The following TENM2 variants were observed in gnomAD, a reference collection of about 807,000 sequenced individuals.
TENM2 encodes teneurin-2.
Under a neutral mutation model 245.2 loss-of-function variants are expected in TENM2, and 52 were observed. The ratio of observed to expected loss-of-function variants is 0.21; its 90% CI spans 0.17 to 0.27. The LOEUF is 0.27. Ranked by LOEUF, TENM2 falls within the 10% of genes least tolerant of loss-of-function variation. TENM2 has a pLI of 1.00. For missense variants in TENM2, 3,046 were observed against 3,666.8 expected (o/e 0.83, Z 4.37); for synonymous variants, 1,363 against 1,438.9 (o/e 0.95, Z 1.19).
intron 2 of TENM2, among the ~76,000 whole-genome samples, chr5:167,411,211 A>C (rs1482659100): frequency 6.6e-6 from 1 of 152,104 alleles, no homozygotes; most frequent in East Asian, 1.9e-4. Flanking sequence ...TGAGGTAAAA[A>C]ATCAAAACTA....
Position 167,958,546 on chromosome 5 carries a change from G to T in TENM2, c.947+5724G>T, listed in dbSNP as rs148459920. On this transcript the variant is annotated intron_variant, in intron 4 of 28. Coordinates refer to ENST00000518659, the Ensembl canonical transcript of TENM2. The stretch of plus-strand genomic sequence containing the variant: ...ATGATGCTAGCTGGTTATTTTGCCC[G>T]TTGGTTGATGTAGTTTCTTCATGGT... Among the ~76,000 whole-genome samples the T allele has an allele frequency of 7.9e-5, 12 of 152,178 alleles. No homozygotes were observed. The South Asian group carries it at 2.5e-3, about 32-fold the overall frequency.
intron 1 of TENM2, among the ~76,000 whole-genome samples, chr5:167,371,653 G>A (rs1042251585): frequency 2.6e-5 from 4 of 152,062 alleles, no homozygotes; most frequent in Non-Finnish European, 5.9e-5. Context: ...GAGCCACTGC[G>A]CCCGGCCTGT....
Position 168,054,841 on chromosome 5 carries a change from A to G in TENM2, c.1310-7219A>G, listed in dbSNP as rs192673904. Among the ~76,000 whole-genome samples the G allele has an allele frequency of 4.2e-4, 64 of 152,346 alleles. 1 individual carries two copies. The highest frequency in any genetic ancestry group is 1.4e-3 in the African/African-American group (59 of 41,576). ...GTTGGACTATCCTGTAAAATTGATC[A>G]TTAGAATGTTGCCTCTAAAAACCCA... is the stretch of plus-strand genomic sequence containing the variant. On this transcript the variant is annotated intron_variant, in intron 6 of 28. Transcript: ENST00000518659.
At chr5:167,160,975 A>G in the TENM2 span, among the ~76,000 whole-genome samples, 1 of 152,052 alleles carries the variant, frequency 6.6e-6, no homozygotes, top group Non-Finnish European at 1.5e-5. Context: ...AAACCCTTGT[A>G]TTTTCAATAT....
At chr5:167,902,234 A>T (rs935184054) in intron 3 of TENM2, among the ~76,000 whole-genome samples, 1 of 152,202 alleles carries the variant, frequency 6.6e-6, no homozygotes, top group South Asian at 2.1e-4. Flanking sequence ...AGTATGAAAG[A>T]TACCAGACTT....
At chr5:167,333,354 G>A (rs1757566376) in intron 1 of TENM2, among the ~76,000 whole-genome samples, 1 of 152,120 alleles carries the variant, frequency 6.6e-6, no homozygotes, top group South Asian at 2.1e-4. Flanking sequence ...TAAGCACAAT[G>A]TTAGCACCTC....
intron 5 of TENM2, among the ~76,000 whole-genome samples, chr5:167,995,625 C>A (rs1423053239): frequency 1.3e-5 from 2 of 152,206 alleles, no homozygotes; most frequent in Admixed American, 6.5e-5. Context: ...CCAGTTATTC[C>A]TTTCTCCTTA....
chr5:167,078,886 C>T, the TENM2 span, among the ~76,000 whole-genome samples: 1 of 152,144 alleles, frequency 6.6e-6, no homozygotes, highest in Non-Finnish European at 1.5e-5. Context: ...TGCTTAGGAT[C>T]TCTAGACAGC....
rs1178739925 is a variant in TENM2, at chr5:167,807,124, T to TAAAAAAAAAA, written c.503-68839_503-68830dup. On this transcript the variant is annotated intron_variant, in intron 2 of 28. Coordinates refer to ENST00000518659, the Ensembl canonical transcript of TENM2. Reference sequence around the variant, plus strand: ...ACAGTTTGGCCCAAAGCCCCTAGGTTAAAAAAAAAAAAAAAAAAAAAAAAA... The same window carrying TAAAAAAAAAA: ...ACAGTTTGGCCCAAAGCCCCTAGGTTAAAAAAAAAAAAAAAAAAAAAAAAAAAAAAAAAAA... Among the ~76,000 whole-genome samples, 193 of 49,070 alleles carry TAAAAAAAAAA rather than the reference T, an allele frequency of 3.9e-3. 6 individuals are homozygous for TAAAAAAAAAA. Among genetic ancestry groups the TAAAAAAAAAA allele is most frequent in the African/African-American group, 9.0e-3 (106 of 11,838 alleles). 32.2% of individuals were successfully genotyped at this position (49,070 alleles called of 152,430 possible).
chr5:168,109,600 G>C (rs1413386816), intron 9 of TENM2, among the ~76,000 whole-genome samples: 4 of 152,206 alleles, frequency 2.6e-5, no homozygotes, highest in African/African-American at 9.7e-5. Context: ...TGATTCAGTA[G>C]GTCTGGGGTA....
chr5:167,584,506 T>C (rs547348045), intron 2 of TENM2, among the ~76,000 whole-genome samples: 2 of 152,210 alleles, frequency 1.3e-5, no homozygotes, highest in South Asian at 4.2e-4. Context: ...TTTCCATTTT[T>C]CATCTGTGAG....
intron 12 of TENM2, among the ~76,000 whole-genome samples, chr5:168,146,236 G>A (rs577791346): frequency 6.6e-6 from 1 of 151,802 alleles, no homozygotes; most frequent in Non-Finnish European, 1.5e-5. Context: ...TATATAAAAC[G>A]TGCACATATG....
intron 23 of TENM2, among the ~76,000 whole-genome samples, chr5:168,222,909 A>G (rs1763792107): frequency 6.6e-6 from 1 of 152,152 alleles, no homozygotes; most frequent in Non-Finnish European, 1.5e-5. Context: ...TTGGCACATC[A>G]CAGGTGCTTG....
At chr5:168,223,608 A>G (rs1036216368) in intron 23 of TENM2, among the ~76,000 whole-genome samples, 15 of 151,774 alleles carry the variant, frequency 9.9e-5, no homozygotes, top group African/African-American at 3.6e-4. Flanking sequence ...CTGGGACTAC[A>G]GGCACACGGC....
intron 1 of TENM2, among the ~76,000 whole-genome samples, chr5:167,372,352 A>G (rs1561902900): frequency 6.6e-6 from 1 of 152,228 alleles, no homozygotes; most frequent in Non-Finnish European, 1.5e-5. Context: ...TCTCATAAAA[A>G]TAAGATTTCA....
intron 6 of TENM2, among the ~76,000 whole-genome samples, chr5:168,052,994 G>A (rs547539634): frequency 1.1e-3 from 167 of 152,260 alleles, no homozygotes; most frequent in Non-Finnish European, 2.1e-4. Flanking sequence ...AGGGAGGTTC[G>A]TAAATTCTTC....
intron 2 of TENM2, among the ~76,000 whole-genome samples, chr5:167,612,065 A>G (rs1044867252): frequency 4.6e-5 from 7 of 152,190 alleles, no homozygotes; most frequent in African/African-American, 1.4e-4. Flanking sequence ...TAGTTTACAT[A>G]AAAAATGAAT....
chr5:168,116,806 A>T (rs1468406983), intron 9 of TENM2, among the ~76,000 whole-genome samples: 1 of 152,152 alleles, frequency 6.6e-6, no homozygotes, highest in African/African-American at 2.4e-5. Context: ...AAGTGACATG[A>T]TTAGGTATGC....
chr5:167,464,072 C>A (rs1291104033), intron 2 of TENM2, among the ~76,000 whole-genome samples: 2 of 152,070 alleles, frequency 1.3e-5, no homozygotes, highest in African/African-American at 4.8e-5. Context: ...AAATGGGAAC[C>A]AGAGCTGCCT....
Sources: gnomAD v4.1 joint callset for allele counts (sites outside exome capture counted in the v4.1 genomes callset) on GRCh38, gnomAD v4.1.1 for gene constraint, MANE v1.5 for transcripts, NCBI Gene and HGNC (gene_info 2026-07-23, HGNC 2026-07-21) for gene names.